Variants in CADM2 observed in about 807,000 individuals in gnomAD.
CADM2 encodes cell adhesion molecule 2, also known as immunoglobulin superfamily member 4D.
Under a neutral mutation model 49.8 loss-of-function variants are expected in CADM2, and 12 were observed. The observed-to-expected ratio is 0.24, with a 90% confidence interval of 0.15 to 0.39. The LOEUF (loss-of-function observed/expected upper bound fraction) is 0.39. Among genes scored for constraint, CADM2 ranks in the 10% least tolerant of loss-of-function variants. CADM2 has a pLI of 1.00. For synonymous variants in CADM2, 214 were observed against 175.4 expected (o/e 1.22, Z -1.74); for missense variants, 378 against 492.3 (o/e 0.77, Z 2.20).
intron 1 of CADM2, among the ~76,000 whole-genome samples, chr3:85,442,238 T>G (rs924070119): frequency 6.6e-6 from 1 of 152,064 alleles, no homozygotes; most frequent in Non-Finnish European, 1.5e-5. Context: ...CTTTCCTTGT[T>G]GCTGACTTGT....
intron 8 of CADM2, among the ~76,000 whole-genome samples, chr3:85,999,808 C>G (rs1729940749): frequency 1.3e-5 from 2 of 151,878 alleles, no homozygotes; most frequent in Admixed American, 1.3e-4. Context: ...GTCGATGGGA[C>G]ATAAAATATA....
chr3:85,894,346 T>C (rs1342073300), intron 5 of CADM2, among the ~76,000 whole-genome samples: 2 of 151,914 alleles, frequency 1.3e-5, no homozygotes, highest in Non-Finnish European at 2.9e-5. Context: ...GGAACTGTTG[T>C]GGGGTAGGGG....
chr3:85,468,168 A>C lies in CADM2; in HGVS notation c.62-258354A>C, dbSNP rs1009903083. Among the ~76,000 whole-genome samples the C allele has an allele frequency of 3.3e-4, 50 of 151,466 alleles. No homozygotes were observed. In the South Asian group the frequency reaches 4.4e-3, roughly 13 times the overall value. On this transcript the variant is annotated intron_variant, in intron 1 of 9. Transcript: ENST00000383699. ...GACTCCGTCTCAAAAAAAAAAAAAA[A>C]AAAAAAAAAAAAACATTGAGGCAGG...
intron 1 of CADM2, among the ~76,000 whole-genome samples, chr3:85,233,532 G>T (rs1409963932): frequency 6.6e-6 from 1 of 152,018 alleles, no homozygotes; most frequent in Non-Finnish European, 1.5e-5. Flanking sequence ...AAAACTTAAA[G>T]CTATTCTAAA....
chr3:85,400,635 T>C (rs927513748), intron 1 of CADM2, among the ~76,000 whole-genome samples: 12 of 152,194 alleles, frequency 7.9e-5, no homozygotes, highest in African/African-American at 2.9e-4. Context: ...GAGCCTGTTA[T>C]TGGTCTATTT....
chr3:85,738,601 G>A (rs1022437880), intron 2 of CADM2, among the ~76,000 whole-genome samples: 2 of 152,110 alleles, frequency 1.3e-5, no homozygotes, highest in Non-Finnish European at 2.9e-5. Context: ...TGTTTAATGA[G>A]TATTTCTTTT....
intron 1 of CADM2, among the ~76,000 whole-genome samples, chr3:84,969,063 A>T (rs7645633): frequency 0.35 from 52,971 of 151,740 alleles, 9,504 homozygotes; most frequent in Middle Eastern, 0.38. Flanking sequence ...CTTGTTTTGT[A>T]TGTGTTATCA....
At chr3:85,401,633 C>G (rs574337785) in intron 1 of CADM2, among the ~76,000 whole-genome samples, 1 of 152,112 alleles carries the variant, frequency 6.6e-6, no homozygotes, top group African/African-American at 2.4e-5. Flanking sequence ...TAGTTTCAAT[C>G]GATTTTCCCT....
At chr3:85,144,826 A>G (rs1317393517) in intron 1 of CADM2, among the ~76,000 whole-genome samples, 1 of 152,234 alleles carries the variant, frequency 6.6e-6, no homozygotes, top group East Asian at 1.9e-4. Flanking sequence ...TAAAAATTAC[A>G]AGATAGATAA....
intron 5 of CADM2, among the ~76,000 whole-genome samples, chr3:85,903,803 A>C (rs981692770): frequency 6.6e-6 from 1 of 152,112 alleles, no homozygotes; most frequent in African/African-American, 2.4e-5. Context: ...CCCCTTCACT[A>C]TTTGTCAGCT....
chr3:85,953,027 C>T (rs1325288251), intron 7 of CADM2, among the ~76,000 whole-genome samples: 1 of 150,670 alleles, frequency 6.6e-6, no homozygotes, highest in Non-Finnish European at 1.5e-5. Flanking sequence ...ATGTTTCCCC[C>T]ACACCTGTAC....
chr3:85,630,520 TA>T (rs1163491333), intron 1 of CADM2, among the ~76,000 whole-genome samples: 105 of 151,972 alleles, frequency 6.9e-4, no homozygotes, highest in East Asian at 3.9e-4. Flanking sequence ...AGTAGATCAT[TA>T]AAAAAATGTA....
intron 3 of CADM2, among the ~76,000 whole-genome samples, chr3:85,828,479 C>T (rs1404026591): frequency 6.6e-6 from 1 of 152,046 alleles, no homozygotes; most frequent in East Asian, 1.9e-4. Flanking sequence ...TTCAATGACA[C>T]ATATATTACG....
At chr3:85,119,111 CT>C (rs2038752854) in intron 1 of CADM2, among the ~76,000 whole-genome samples, 1 of 152,046 alleles carries the variant, frequency 6.6e-6, no homozygotes, top group Admixed American at 6.6e-5. Flanking sequence ...ATACAATGTT[CT>C]AGTTAAGAAT....
intron 1 of CADM2, among the ~76,000 whole-genome samples, chr3:85,515,199 T>C (rs2060862262): frequency 6.6e-6 from 1 of 152,084 alleles, no homozygotes; most frequent in Admixed American, 6.6e-5. Flanking sequence ...CTCAGAATAA[T>C]ACTCTAAACA....
chr3:85,584,639 C>T (rs1368981262), intron 1 of CADM2, among the ~76,000 whole-genome samples: 1 of 151,844 alleles, frequency 6.6e-6, no homozygotes, highest in Non-Finnish European at 1.5e-5. Flanking sequence ...TTCACATGGC[C>T]AAAATTGACT....
intron 1 of CADM2, among the ~76,000 whole-genome samples, chr3:85,193,454 TA>T (rs775897988): frequency 6.6e-5 from 10 of 152,104 alleles, no homozygotes; most frequent in Non-Finnish European, 1.0e-4. Flanking sequence ...ATAATTTATC[TA>T]AAATCTGCTC....
intron 1 of CADM2, among the ~76,000 whole-genome samples, chr3:85,663,224 G>A (rs2065464480): frequency 6.6e-6 from 1 of 151,900 alleles, no homozygotes; most frequent in Admixed American, 6.6e-5. Flanking sequence ...TTAGAGTTGT[G>A]GTGAAGATTA....
chr3:85,267,047 T>A (rs1479955829), intron 1 of CADM2, among the ~76,000 whole-genome samples: 1 of 151,912 alleles, frequency 6.6e-6, no homozygotes, highest in African/African-American at 2.4e-5. Context: ...GAGAAAGGTA[T>A]AATGAGTTAT....
Sources: gnomAD v4.1 joint callset for allele counts (sites outside exome capture counted in the v4.1 genomes callset) on GRCh38, gnomAD v4.1.1 for gene constraint, MANE v1.5 for transcripts, NCBI Gene and HGNC (gene_info 2026-07-23, HGNC 2026-07-21) for gene names.